Variants in NKAIN3 observed in about 807,000 individuals in gnomAD.
NKAIN3 encodes sodium/potassium-transporting ATPase subunit beta-1-interacting protein 3.
NKAIN3 carries 25 observed loss-of-function variants against 30.2 expected under a neutral mutation model. The observed-to-expected ratio is 0.83, with a 90% CI of 0.60 to 1.16. The LOEUF is 1.16. Among genes scored for constraint, NKAIN3 ranks in the 50% most tolerant of loss-of-function variants. The pLI is 0.00. For synonymous variants in NKAIN3, 91 were observed against 89.6 expected (o/e 1.02, Z -0.09); for missense variants, 225 against 254.1 (o/e 0.89, Z 0.78).
At chr8:62,756,008 A>G (rs1816440349) in intron 4 of NKAIN3, among the ~76,000 whole-genome samples, 1 of 152,184 alleles carries the variant, frequency 6.6e-6, no homozygotes, top group South Asian at 2.1e-4. Flanking sequence ...TGTGATTTTA[A>G]ATCACTTCAT....
At chr8:62,665,897 C>A (rs1423812989) in intron 3 of NKAIN3, among the ~76,000 whole-genome samples, 1 of 152,126 alleles carries the variant, frequency 6.6e-6, no homozygotes, top group Non-Finnish European at 1.5e-5. Flanking sequence ...ACATGATTTT[C>A]TACGGAAATT....
At chr8:62,632,039 C>G (rs1313700501) in intron 3 of NKAIN3, among the ~76,000 whole-genome samples, 1 of 152,104 alleles carries the variant, frequency 6.6e-6, no homozygotes, top group East Asian at 1.9e-4. Context: ...CACCAGTGCC[C>G]CTTGTGGTAC....
At position 62,966,080 on chromosome 8, in the gene NKAIN3, T is replaced by C. The variant is rs1823704184; in HGVS notation, c.*673T>C. ...GCACATGGAAGAGTAAAAGGATTAG[T>C]AGAACCCCTTTCCCCTTTGGAGGGA... On this transcript the variant is annotated 3_prime_UTR_variant, in exon 7 of 7. Transcript: ENST00000623646. The C allele has an allele frequency of 1.0e-6, 1 of 982,984 alleles. No homozygotes were observed. Among genetic ancestry groups the C allele is most frequent in the Non-Finnish European group, 1.2e-6 (1 of 827,848 alleles). 60.9% of individuals were successfully genotyped at this position (982,984 alleles called of 1,614,324 possible). A position where few individuals can be genotyped will look rare whatever the true frequency, so the allele number is the denominator to read the frequency against.
At chr8:62,622,627 CT>C (rs1188618654) in intron 3 of NKAIN3, among the ~76,000 whole-genome samples, 1 of 151,814 alleles carries the variant, frequency 6.6e-6, no homozygotes, top group Non-Finnish European at 1.5e-5. Context: ...TTATTTGGTT[CT>C]TTTACTGTGA....
intron 1 of NKAIN3, among the ~76,000 whole-genome samples, chr8:62,331,938 G>A (rs1354436545): frequency 6.6e-6 from 1 of 152,074 alleles, no homozygotes; most frequent in African/African-American, 2.4e-5. Context: ...AAGTCTGGGG[G>A]ACATCCCCAG....
intron 4 of NKAIN3, among the ~76,000 whole-genome samples, chr8:62,801,382 C>T (rs532568096): frequency 6.6e-6 from 1 of 152,314 alleles, no homozygotes; most frequent in East Asian, 1.9e-4. Flanking sequence ...TAGGGGCAGA[C>T]TGACACCTCA....
rs374583741 is a variant in NKAIN3 at position 62,818,802 on chromosome 8, A to G, written c.471+71673A>G. ...ACTCAGTTACAGCATCCCAGAGTAT[A>G]TACAGGCTAGATCCTAAAGGGTAAG... On this transcript the variant is annotated intron_variant, in intron 4 of 6. Coordinates refer to ENST00000623646, the MANE Select transcript of NKAIN3 (RefSeq NM_001304533.3). Among the ~76,000 whole-genome samples the G allele has an allele frequency of 1.2e-4, 18 of 152,228 alleles. 1 individual carries two copies. In the East Asian group the frequency reaches 2.7e-3, roughly 23 times the overall value.
chr8:62,631,671 G>C (rs761416830), intron 3 of NKAIN3, among the ~76,000 whole-genome samples: 1 of 152,124 alleles, frequency 6.6e-6, no homozygotes, highest in African/African-American at 2.4e-5. Flanking sequence ...AGCTTCCAGA[G>C]ACTTCTGTTC....
chr8:62,681,064 G>C (rs1226185780), intron 3 of NKAIN3, among the ~76,000 whole-genome samples: 1 of 152,070 alleles, frequency 6.6e-6, no homozygotes, highest in Non-Finnish European at 1.5e-5. Context: ...TGACTATTTA[G>C]CCCCTTGATG....
chr8:62,689,369 T>C (rs1322052564), intron 3 of NKAIN3, among the ~76,000 whole-genome samples: 2 of 152,162 alleles, frequency 1.3e-5, no homozygotes, highest in African/African-American at 2.4e-5. Context: ...CACTTCAGTA[T>C]TTAAGCCATC....
chr8:62,320,291 G>A (rs1814828530), intron 1 of NKAIN3, among the ~76,000 whole-genome samples: 1 of 152,082 alleles, frequency 6.6e-6, no homozygotes, highest in African/African-American at 2.4e-5. Context: ...TATCCAATTT[G>A]CCAGTCTGTG....
chr8:62,340,380 T>A (rs995624298), intron 1 of NKAIN3, among the ~76,000 whole-genome samples: 9 of 151,954 alleles, frequency 5.9e-5, no homozygotes, highest in African/African-American at 2.2e-4. Flanking sequence ...CTAGGTTTTA[T>A]GGCTTGCTTT....
intron 5 of NKAIN3, among the ~76,000 whole-genome samples, chr8:62,946,834 T>G (rs532357866): frequency 7.9e-4 from 120 of 152,366 alleles, no homozygotes; most frequent in Non-Finnish European, 1.3e-3. Flanking sequence ...CCTGAGTCTT[T>G]TCTTTTCTCT....
rs887343652 is a variant in NKAIN3, at chr8:62,976,291, G to A, written c.*10884G>A. Among the ~76,000 whole-genome samples the A allele has an allele frequency of 6.6e-6, 1 of 152,080 alleles. No individual in the cohort carries two copies. The highest frequency in any genetic ancestry group is 1.5e-5 in the Non-Finnish European group (1 of 68,012). ...CTAATACACACAATGGAGTGTTAAAGTCTCCCACTATTATTGTGTGGTAGT... is the reference window on the plus strand; with the variant it reads ...CTAATACACACAATGGAGTGTTAAAATCTCCCACTATTATTGTGTGGTAGT... On this transcript the variant is annotated 3_prime_UTR_variant, in exon 7 of 7. Transcript: ENST00000623646.
chr8:62,904,664 T>A (rs1385758020), intron 4 of NKAIN3, among the ~76,000 whole-genome samples: 1 of 152,204 alleles, frequency 6.6e-6, no homozygotes, highest in Non-Finnish European at 1.5e-5. Flanking sequence ...TCCACTGTAT[T>A]TCAGACACCC....
chr8:62,820,405 G>A (rs938003597), intron 4 of NKAIN3, among the ~76,000 whole-genome samples: 1 of 152,190 alleles, frequency 6.6e-6, no homozygotes, highest in African/African-American at 2.4e-5. Flanking sequence ...CTCACTGTAA[G>A]AGGTGGGAAG....
At chr8:62,335,707 A>T (rs578034347) in intron 1 of NKAIN3, among the ~76,000 whole-genome samples, 1 of 152,056 alleles carries the variant, frequency 6.6e-6, no homozygotes, top group East Asian at 1.9e-4. Context: ...AACCAGATGC[A>T]GGTCACTAGA....
chr8:62,491,793 A>C (rs1807073862), intron 1 of NKAIN3, among the ~76,000 whole-genome samples: 1 of 152,068 alleles, frequency 6.6e-6, no homozygotes, highest in African/African-American at 2.4e-5. Context: ...ATCCTTCATG[A>C]GTAAGGGAGA....
Position 62,717,022 on chromosome 8 carries a change from C to T in NKAIN3, c.274-29910C>T, listed in dbSNP as rs563746865. Among the ~76,000 whole-genome samples, 19 of 152,308 alleles carry T rather than the reference C, an allele frequency of 1.2e-4. No homozygotes were observed. The South Asian group carries it at 3.9e-3, about 32-fold the overall frequency. The stretch of plus-strand genomic sequence containing the variant: ...ATATCCTAAATTACCAAAGCAGCTA[C>T]ATCAATGACTGAATTATCATAGTTT... On this transcript the variant is annotated intron_variant, in intron 3 of 6. Transcript: ENST00000623646.
Sources: gnomAD v4.1 joint callset for allele counts (sites outside exome capture counted in the v4.1 genomes callset) on GRCh38, gnomAD v4.1.1 for gene constraint, MANE v1.5 for transcripts, NCBI Gene and HGNC (gene_info 2026-07-23, HGNC 2026-07-21) for gene names.